MDFIC2: variants seen among roughly 807,000 people sequenced by gnomAD.
MDFIC2 encodes myoD family inhibitor domain-containing protein 2.
intron 2 of MDFIC2, among the ~76,000 whole-genome samples, chr3:70,227,347 T>C (rs1575601741): frequency 6.6e-6 from 1 of 152,344 alleles, no homozygotes; most frequent in South Asian, 2.1e-4. Flanking sequence ...TTTTGTTTTT[T>C]CCATACCACT....
chr3:70,205,683 G>C (rs1021095368), intron 3 of MDFIC2: 3 of 152,094 alleles, frequency 2.0e-5, no homozygotes, highest in African/African-American at 7.2e-5. Context: ...AGAGGCAGAA[G>C]TGAAACTGAT....
chr3:70,253,694 G>A (rs919282790), intron 2 of MDFIC2, among the ~76,000 whole-genome samples: 1 of 152,138 alleles, frequency 6.6e-6, no homozygotes, highest in Non-Finnish European at 1.5e-5. Flanking sequence ...CTGTACTGCA[G>A]CCTGGGCTAC....
chr3:70,215,920 TA>T (rs1484576599), intron 2 of MDFIC2, among the ~76,000 whole-genome samples: 2 of 152,180 alleles, frequency 1.3e-5, no homozygotes, highest in Non-Finnish European at 2.9e-5. Context: ...TAACTGATCC[TA>T]GTAAAAGTCT....
intron 2 of MDFIC2, among the ~76,000 whole-genome samples, chr3:70,289,599 G>T (rs1343438883): frequency 1.3e-5 from 2 of 149,376 alleles, no homozygotes; most frequent in East Asian, 2.0e-4. Context: ...GAATCTGAAC[G>T]TTGGCCTGCC....
At chr3:70,205,565 C>T (rs1004308319) in intron 3 of MDFIC2, 7 of 151,432 alleles carry the variant, frequency 4.6e-5, no homozygotes, top group Non-Finnish European at 1.0e-4. Context: ...TTTTTTTGAT[C>T]CCCAACATAC....
chr3:70,250,061 G>T (rs962784272), intron 2 of MDFIC2, among the ~76,000 whole-genome samples: 4 of 152,116 alleles, frequency 2.6e-5, no homozygotes, highest in Non-Finnish European at 4.4e-5. Flanking sequence ...AAAATAAAGG[G>T]TGTGGTCAGG....
intron 2 of MDFIC2, among the ~76,000 whole-genome samples, chr3:70,285,805 C>G (rs1483014497): frequency 6.6e-6 from 1 of 152,170 alleles, no homozygotes; most frequent in African/African-American, 2.4e-5. Context: ...TCTCTGATGT[C>G]CAGTGATGAG....
chr3:70,263,007 G>T (rs928281848), intron 2 of MDFIC2, among the ~76,000 whole-genome samples: 1 of 151,872 alleles, frequency 6.6e-6, no homozygotes, highest in Admixed American at 6.6e-5. Flanking sequence ...TTAATTTTAG[G>T]TATTGCATTT....
chr3:70,267,539 A>G (rs1282935234), intron 2 of MDFIC2, among the ~76,000 whole-genome samples: 1 of 149,030 alleles, frequency 6.7e-6, no homozygotes, highest in Non-Finnish European at 1.5e-5. Flanking sequence ...AGTAGCTGGG[A>G]CTACAGGCGC....
rs181789549 is a variant in MDFIC2 at position 70,312,635 on chromosome 3, C to G, written c.-85G>C. On this transcript the variant is annotated 5_prime_UTR_variant, in exon 1 of 4. Transcript: ENST00000567252. ...CCTTGTCTCTGGATGTCCAGCATTC[C>G]TCTATCCTGACAAAAATGAGTGAAG... 8 of 152,292 alleles carry G rather than the reference C, an allele frequency of 5.3e-5. No homozygotes were observed. Among genetic ancestry groups the G allele is most frequent in the African/African-American group, 1.9e-4 (8 of 41,560 alleles). 9.4% of individuals were successfully genotyped at this position (152,292 alleles called of 1,614,324 possible).
chr3:70,218,789 A>G (rs1398808290), intron 2 of MDFIC2, among the ~76,000 whole-genome samples: 2 of 152,178 alleles, frequency 1.3e-5, no homozygotes, highest in Non-Finnish European at 2.9e-5. Flanking sequence ...TTGGTAACCC[A>G]TACTCAAGTG....
chr3:70,256,537 T>C (rs1701818067), intron 2 of MDFIC2, among the ~76,000 whole-genome samples: 1 of 152,220 alleles, frequency 6.6e-6, no homozygotes, highest in Non-Finnish European at 1.5e-5. Flanking sequence ...GAAACCCTAG[T>C]GACTTTAAAG....
At chr3:70,296,400 G>A (rs112027470) in intron 2 of MDFIC2, among the ~76,000 whole-genome samples, 1 of 151,878 alleles carries the variant, frequency 6.6e-6, no homozygotes, top group Non-Finnish European at 1.5e-5. Context: ...CCAGAAAATG[G>A]ACCTAATTTT....
At chr3:70,271,266 C>A (rs753292118) in intron 2 of MDFIC2, among the ~76,000 whole-genome samples, 6 of 151,944 alleles carry the variant, frequency 3.9e-5, no homozygotes, top group Non-Finnish European at 8.8e-5. Flanking sequence ...CAGGACTAGG[C>A]AGGTAAGTAA....
chr3:70,237,977 A>ATATTTTTTTTT (rs1251005797), intron 2 of MDFIC2, among the ~76,000 whole-genome samples: 3 of 13,008 alleles, frequency 2.3e-4, no homozygotes, highest in African/African-American at 4.9e-4. Context: ...ATTGAGTGGT[A>ATATTTTTTTTT]TCTTTTTTTT....
chr3:70,298,996 T>C (rs1702318996), intron 2 of MDFIC2, among the ~76,000 whole-genome samples: 1 of 152,172 alleles, frequency 6.6e-6, no homozygotes, highest in Non-Finnish European at 1.5e-5. Flanking sequence ...GATTGTAAAG[T>C]GCCATCCAAA....
intron 2 of MDFIC2, among the ~76,000 whole-genome samples, chr3:70,260,493 T>C (rs567647785): frequency 6.6e-6 from 1 of 152,120 alleles, no homozygotes; most frequent in Admixed American, 6.6e-5. Flanking sequence ...AACAGCCCCA[T>C]TCCCTATCAT....
intron 3 of MDFIC2, chr3:70,205,975 C>A (rs1202067004): frequency 1.3e-5 from 2 of 151,700 alleles, no homozygotes; most frequent in African/African-American, 4.8e-5. Context: ...TTATTTAGCA[C>A]CAAAACAATT....
At position 70,245,671 on chromosome 3, in the gene MDFIC2, T is replaced by TTATATATA. The variant is rs34480688; in HGVS notation, c.89-38889_89-38882dup. On this transcript the variant is annotated intron_variant, in intron 2 of 3. Transcript: ENST00000567252. ...TTGCATAACGTTTTTGCAAACTGCT[T>TTATATATA]TATATATATATATATATATATATAT... is the stretch of plus-strand genomic sequence containing the variant. Among the ~76,000 whole-genome samples the TTATATATA allele has an allele frequency of 1.6e-3, 92 of 57,234 alleles. 2 individuals are homozygous for TTATATATA. Among genetic ancestry groups the TTATATATA allele is most frequent in the Non-Finnish European group, 2.3e-3 (67 of 29,266 alleles). 37.5% of individuals were successfully genotyped at this position (57,234 alleles called of 152,430 possible).
Sources: allele counts gnomAD v4.1 joint callset (sites outside exome capture counted in the v4.1 genomes callset), GRCh38; gene constraint gnomAD v4.1.1; transcripts MANE v1.5; gene names NCBI Gene and HGNC (gene_info 2026-07-23, HGNC 2026-07-21).